The following MDGA2 variants were observed in gnomAD, a reference collection of about 807,000 sequenced individuals.
The protein encoded by MDGA2 is MAM domain containing glycosylphosphatidylinositol anchor 2.
MDGA2 carries 40 observed loss-of-function variants against 117.8 expected under a neutral mutation model. The ratio of observed to expected loss-of-function variants is 0.34; its 90% CI spans 0.26 to 0.44. MDGA2 has a LOEUF of 0.44. MDGA2 is among the 20% of genes least tolerant of loss of function. The probability of loss-of-function intolerance (pLI) is 1.00; values close to 1 mark genes in which losing one functional copy is unlikely to be tolerated. For synonymous variants in MDGA2, 452 were observed against 439.0 expected (o/e 1.03, Z -0.37); for missense variants, 1,123 against 1,250.6 (o/e 0.90, Z 1.54).
intron 1 of MDGA2, among the ~76,000 whole-genome samples, chr14:47,352,918 A>G (rs1263560076): frequency 6.6e-6 from 1 of 152,182 alleles, no homozygotes; most frequent in Non-Finnish European, 1.5e-5. Context: ...GACACACAGC[A>G]AAGGAGATGC....
intron 8 of MDGA2, among the ~76,000 whole-genome samples, chr14:46,989,685 G>GT (rs1322647697): frequency 6.6e-6 from 1 of 151,936 alleles, no homozygotes; most frequent in Non-Finnish European, 1.5e-5. Context: ...TATAGATTGT[G>GT]TTTTTTTCAG....
chr14:47,061,200 A>T, intron 7 of MDGA2, 49 bp downstream of exon 7: 1 of 1,504,068 alleles, frequency 6.6e-7, no homozygotes, highest in Non-Finnish European at 9.1e-7. Flanking sequence ...TTAAACTTCA[A>T]TCATTCTAAA....
At chr14:47,643,438 A>T (rs1407989508) in intron 1 of MDGA2, among the ~76,000 whole-genome samples, 1 of 152,080 alleles carries the variant, frequency 6.6e-6, no homozygotes, top group Non-Finnish European at 1.5e-5. Flanking sequence ...GATTTGCTAT[A>T]TGGAAATTAC....
intron 8 of MDGA2, among the ~76,000 whole-genome samples, chr14:46,962,088 C>T (rs1885834666): frequency 6.6e-6 from 1 of 152,248 alleles, no homozygotes; most frequent in East Asian, 1.9e-4. Context: ...ATAGGATATG[C>T]TGATGACTAA....
chr14:46,946,872 G>A (rs1885187322), intron 9 of MDGA2, among the ~76,000 whole-genome samples: 1 of 152,062 alleles, frequency 6.6e-6, no homozygotes, highest in Admixed American at 6.6e-5. Flanking sequence ...TACCATGACT[G>A]ACAGGTCGTA....
chr14:47,530,820 G>A (rs1208722306), intron 1 of MDGA2, among the ~76,000 whole-genome samples: 1 of 152,144 alleles, frequency 6.6e-6, no homozygotes, highest in African/African-American at 2.4e-5. Flanking sequence ...TTAGAAACAT[G>A]AATGAGCAAC....
intron 14 of MDGA2, among the ~76,000 whole-genome samples, chr14:46,867,416 T>C (rs1240878288): frequency 6.6e-6 from 1 of 151,916 alleles, no homozygotes; most frequent in Non-Finnish European, 1.5e-5. Context: ...AGGGGAGGTA[T>C]AGCACTGGGA....
intron 2 of MDGA2, among the ~76,000 whole-genome samples, chr14:47,294,961 T>C (rs1889013696): frequency 6.6e-6 from 1 of 152,222 alleles, no homozygotes; most frequent in African/African-American, 2.4e-5. Context: ...ATCAAATGAC[T>C]GAATACAATT....
intron 2 of MDGA2, among the ~76,000 whole-genome samples, chr14:47,282,963 A>G (rs949610784): frequency 3.3e-5 from 5 of 152,260 alleles, no homozygotes; most frequent in African/African-American, 4.8e-5. Flanking sequence ...AAATAAATAA[A>G]TAACATACAT....
At chr14:47,269,938 T>C (rs937802597) in intron 2 of MDGA2, among the ~76,000 whole-genome samples, 4 of 152,194 alleles carry the variant, frequency 2.6e-5, no homozygotes, top group African/African-American at 9.6e-5. Context: ...AGCCAGCATT[T>C]CCCTGTAGTT....
intron 3 of MDGA2, among the ~76,000 whole-genome samples, chr14:47,216,537 G>A (rs1886095383): frequency 6.6e-6 from 1 of 151,954 alleles, no homozygotes; most frequent in Admixed American, 6.6e-5. Context: ...CACCACACTA[G>A]TTAACATCAA....
intron 8 of MDGA2, among the ~76,000 whole-genome samples, chr14:46,998,077 G>GA (rs1162550030): frequency 7.9e-5 from 12 of 151,986 alleles, no homozygotes; most frequent in African/African-American, 1.9e-4. Context: ...GGAAGAGAAG[G>GA]AAAAAAGAGT....
At chr14:46,861,111 G>A (rs1881489255) in intron 14 of MDGA2, among the ~76,000 whole-genome samples, 1 of 151,454 alleles carries the variant, frequency 6.6e-6, no homozygotes, top group Admixed American at 6.6e-5. Flanking sequence ...TTTCTCTTGG[G>A]TTGCATGACC....
At chr14:46,845,647 A>G (rs1056212412) in intron 16 of MDGA2, 119 bp downstream of exon 16, 1 of 610,150 alleles carries the variant, frequency 1.6e-6, no homozygotes, top group Non-Finnish European at 2.8e-6. Flanking sequence ...CATATAAGAA[A>G]TTTCTAAATA....
chr14:47,351,973 C>T (rs2138350164), intron 1 of MDGA2, among the ~76,000 whole-genome samples: 1 of 151,328 alleles, frequency 6.6e-6, no homozygotes. Context: ...ATATATAATT[C>T]CATGAGACTT....
intron 1 of MDGA2, among the ~76,000 whole-genome samples, chr14:47,354,832 T>C (rs10150578): frequency 0.37 from 56,003 of 151,912 alleles, 10,836 homozygotes; most frequent in Admixed American, 0.54. Flanking sequence ...TAACAAACAG[T>C]GAAATTAACT....
At chr14:47,203,862 G>A (rs1385297544) in intron 3 of MDGA2, among the ~76,000 whole-genome samples, 1 of 151,916 alleles carries the variant, frequency 6.6e-6, no homozygotes, top group African/African-American at 2.4e-5. Context: ...GCTATGAGAA[G>A]GAAACTTATC....
intron 3 of MDGA2, among the ~76,000 whole-genome samples, chr14:47,197,385 A>ATTTCTT (rs1885325347): frequency 6.6e-6 from 1 of 152,052 alleles, no homozygotes. Flanking sequence ...ACAAAGCAAG[A>ATTTCTT]AGACAGCCAT....
At chr14:47,060,294 A>G (rs895431864) in intron 7 of MDGA2, among the ~76,000 whole-genome samples, 1 of 152,068 alleles carries the variant, frequency 6.6e-6, no homozygotes, top group East Asian at 1.9e-4. Context: ...ATTCTTAAGG[A>G]GTAAAATCAA....
Sources: gnomAD v4.1 joint callset for allele counts (sites outside exome capture counted in the v4.1 genomes callset) on GRCh38, gnomAD v4.1.1 for gene constraint, MANE v1.5 for transcripts, NCBI Gene and HGNC (gene_info 2026-07-23, HGNC 2026-07-21) for gene names.